The following TENM1 variants were observed in gnomAD, a reference collection of about 807,000 sequenced individuals.
TENM1 encodes the protein teneurin-1.
In TENM1, 35 loss-of-function variants were observed where a neutral mutation model predicts 174.8. The ratio of observed to expected loss-of-function variants is 0.20; its 90% CI spans 0.15 to 0.27. The LOEUF is 0.27. Ranked by LOEUF, TENM1 falls within the 10% of genes least tolerant of loss-of-function variation. TENM1 has a pLI of 1.00. For synonymous variants in TENM1, 781 were observed against 798.7 expected, an observed-to-expected ratio of 0.98 and a Z score of 0.37; for missense variants, 1,633 against 2,130.1, an observed-to-expected ratio of 0.77 and a Z score of 4.59.
chrX:125,128,963 A>G, the TENM1 span, among the ~76,000 whole-genome samples: 1 of 111,195 alleles, frequency 9.0e-6, no homozygotes, highest in Non-Finnish European at 1.9e-5. Flanking sequence ...GGGCCTCCAA[A>G]GAAGTAATTA....
intron 23 of TENM1, 147 bp from the exon 27 acceptor site, chrX:124,422,785 G>A: frequency 2.0e-6 from 1 of 498,112 alleles, no homozygotes; most frequent in Non-Finnish European, 3.4e-6. Context: ...AAAGTGGAGG[G>A]CAGGGGGAGG....
At chrX:125,108,959 C>T in the TENM1 span, among the ~76,000 whole-genome samples, 1 of 110,688 alleles carries the variant, frequency 9.0e-6, no homozygotes, top group South Asian at 3.8e-4. Context: ...TCTCATTAGA[C>T]TTTGTGGGAC....
At chrX:124,962,588 G>A (rs1172672677) in intron 1 of TENM1, among the ~76,000 whole-genome samples, 1 of 111,800 alleles carries the variant, frequency 8.9e-6, no homozygotes, top group African/African-American at 3.3e-5. Context: ...CGGAGGCTGA[G>A]GCGGGTGGAT....
At chrX:125,155,654 G>A in the TENM1 span, among the ~76,000 whole-genome samples, 1,790 of 85,595 alleles carry the variant, frequency 0.021, 32 homozygotes, top group Middle Eastern at 0.09. Context: ...GCGAGAAATC[G>A]AGCGCAGCAC....
chrX:124,834,459 C>T (rs2056353511), intron 3 of TENM1, among the ~76,000 whole-genome samples: 1 of 112,005 alleles, frequency 8.9e-6, no homozygotes, highest in Admixed American at 9.4e-5. Flanking sequence ...AGGCATGAGC[C>T]ACTGCACTGG....
intron 3 of TENM1, among the ~76,000 whole-genome samples, chrX:124,749,425 T>A (rs1214966779): frequency 2.7e-5 from 3 of 112,110 alleles, no homozygotes; most frequent in Non-Finnish European, 3.8e-5. Context: ...TTTCCATGAA[T>A]ACAACATTAG....
At chrX:125,064,333 A>T in the TENM1 span, among the ~76,000 whole-genome samples, 6 of 111,504 alleles carry the variant, frequency 5.4e-5, no homozygotes, top group East Asian at 2.8e-4. Context: ...AAGAAAAATT[A>T]AAAAAAAGAA....
the TENM1 span, among the ~76,000 whole-genome samples, chrX:125,140,439 G>A: frequency 8.9e-6 from 1 of 111,872 alleles, no homozygotes; most frequent in Admixed American, 9.5e-5. Flanking sequence ...TGGGAAGGGT[G>A]TGTGGGTGGA....
chrX:125,062,957 T>A, the TENM1 span, among the ~76,000 whole-genome samples: 1 of 112,389 alleles, frequency 8.9e-6, no homozygotes, highest in Non-Finnish European at 1.9e-5. Flanking sequence ...GTAAAAACTA[T>A]GAGATAAATG....
At chrX:125,076,698 G>A in the TENM1 span, among the ~76,000 whole-genome samples, 2 of 111,380 alleles carry the variant, frequency 1.8e-5, no homozygotes, top group Admixed American at 9.6e-5. Flanking sequence ...TTTACTAGAC[G>A]CTCTCAGTTT....
intron 3 of TENM1, among the ~76,000 whole-genome samples, chrX:124,865,723 T>A (rs2056988857): frequency 9.0e-6 from 1 of 111,271 alleles, no homozygotes; most frequent in East Asian, 2.8e-4. Flanking sequence ...ACAGACTGGC[T>A]GAATGGGTGA....
chrX:124,732,979 C>A (rs1362856650), intron 4 of TENM1, among the ~76,000 whole-genome samples: 1 of 111,759 alleles, frequency 8.9e-6, no homozygotes, highest in Non-Finnish European at 1.9e-5. Flanking sequence ...TCGAGGCAAC[C>A]TGAATGTCTC....
chrX:125,141,767 C>T, the TENM1 span, among the ~76,000 whole-genome samples: 32 of 111,622 alleles, frequency 2.9e-4, no homozygotes, highest in African/African-American at 9.4e-4. Context: ...CATCTCTATA[C>T]ATATTTTTCA....
intron 3 of TENM1, among the ~76,000 whole-genome samples, chrX:124,815,040 TGTAAGCATCA>T (rs2055867232): frequency 8.9e-6 from 1 of 111,833 alleles, no homozygotes; most frequent in African/African-American, 3.2e-5. Flanking sequence ...TGAAAGCAAA[TGTAAGCATCA>T]GTAGTAATGC....
intron 1 of TENM1, among the ~76,000 whole-genome samples, chrX:124,906,688 C>T (rs1454547611): frequency 7.1e-5 from 8 of 111,901 alleles, no homozygotes; most frequent in African/African-American, 2.6e-4. Flanking sequence ...CAAATGAATG[C>T]AAACTCTGGT....
chrX:124,714,259 G>C (rs1200616732), intron 4 of TENM1, among the ~76,000 whole-genome samples: 2 of 111,872 alleles, frequency 1.8e-5, no homozygotes, highest in South Asian at 3.7e-4. Flanking sequence ...CTTCAGTTTT[G>C]TTGATTGCTA....
intron 3 of TENM1, among the ~76,000 whole-genome samples, chrX:124,753,996 G>A (rs1383319867): frequency 1.8e-5 from 2 of 111,729 alleles, no homozygotes; most frequent in African/African-American, 6.5e-5. Context: ...GGATGATACT[G>A]GCCTCATAAA....
At chrX:124,973,866 C>G in the TENM1 span, among the ~76,000 whole-genome samples, 1 of 111,843 alleles carries the variant, frequency 8.9e-6, no homozygotes, top group East Asian at 2.8e-4. Context: ...GAACAGATAA[C>G]CAAACACTGC....
chrX:125,159,922 G>C, the TENM1 span, among the ~76,000 whole-genome samples: 1 of 111,687 alleles, frequency 9.0e-6, no homozygotes, highest in South Asian at 3.7e-4. Flanking sequence ...ATTGGAGGCA[G>C]GGCATGGTGG....
Sources: gnomAD v4.1 joint callset for allele counts (sites outside exome capture counted in the v4.1 genomes callset) on GRCh38, gnomAD v4.1.1 for gene constraint, MANE v1.5 for transcripts, NCBI Gene and HGNC (gene_info 2026-07-23, HGNC 2026-07-21) for gene names.